Variants in EMCN observed in about 807,000 individuals in gnomAD.
The protein encoded by EMCN is endomucin.
EMCN carries 37 observed loss-of-function variants against 38.4 expected under a neutral mutation model. The observed-to-expected ratio is 0.96, with a 90% confidence interval of 0.74 to 1.27. The LOEUF (loss-of-function observed/expected upper bound fraction) is 1.27, where lower values mean the gene tolerates loss of function less well. Ranked by LOEUF, EMCN falls within the 50% of genes most tolerant of loss-of-function variation. EMCN has a pLI of 0.00. For missense variants in EMCN, 318 were observed against 302.8 expected, an observed-to-expected ratio of 1.05 and a Z score of -0.37; for synonymous variants, 95 against 100.8, an observed-to-expected ratio of 0.94 and a Z score of 0.35.
intron 11 of EMCN, among the ~76,000 whole-genome samples, chr4:100,405,104 G>C (rs900262462): frequency 6.6e-6 from 1 of 152,006 alleles, no homozygotes; most frequent in Non-Finnish European, 1.5e-5. Context: ...TCAGAGCTAG[G>C]AGCCTTTGGG....
intron 4 of EMCN, among the ~76,000 whole-genome samples, chr4:100,447,942 G>A (rs558350091): frequency 2.6e-5 from 4 of 152,010 alleles, no homozygotes; most frequent in East Asian, 1.9e-4. Flanking sequence ...AATTTTGCCC[G>A]TGGGCCATAG....
In EMCN at chr4:100,395,586, T is replaced by A. The variant is rs1726100218; in HGVS notation, c.*2827A>T. On this transcript the variant is annotated 3_prime_UTR_variant, in exon 12 of 12. Transcript: ENST00000296420. ...CAATTTTTAAAGGTCATATTCACTT[T>A]TCCTTTCAACATCATAAAATCTTGA... The A allele has an allele frequency of 6.6e-6, 1 of 152,166 alleles. No individual in the cohort carries two copies. The highest frequency in any genetic ancestry group is 1.5e-5 in the Non-Finnish European group (1 of 68,018). The allele number at this position is 152,166 out of a possible 1,614,324, so 9.4% of individuals were successfully genotyped here.
At chr4:100,413,907 C>T (rs1209730829) in intron 10 of EMCN, among the ~76,000 whole-genome samples, 2 of 152,188 alleles carry the variant, frequency 1.3e-5, no homozygotes, top group African/African-American at 4.8e-5. Context: ...AACTAGTCTG[C>T]CATCGTCTAT....
chr4:100,502,638 G>A (rs1205236673), intron 1 of EMCN, among the ~76,000 whole-genome samples: 5 of 152,120 alleles, frequency 3.3e-5, no homozygotes, highest in Admixed American at 3.3e-4. Context: ...TATAAAAGTA[G>A]AATTGTTGGG....
At chr4:100,456,782 C>A (rs1024219516) in intron 4 of EMCN, among the ~76,000 whole-genome samples, 1 of 152,098 alleles carries the variant, frequency 6.6e-6, no homozygotes, top group Non-Finnish European at 1.5e-5. Flanking sequence ...AGTTCACTTT[C>A]TGTAGTTGAG....
chr4:100,401,386 A>G (rs949329913), intron 11 of EMCN, among the ~76,000 whole-genome samples: 4 of 152,176 alleles, frequency 2.6e-5, no homozygotes, highest in Admixed American at 2.0e-4. Flanking sequence ...AGTTTAAAGT[A>G]CTACATGAGA....
chr4:100,470,891 T>C (rs2110269795), intron 3 of EMCN, among the ~76,000 whole-genome samples: 1 of 151,904 alleles, frequency 6.6e-6, no homozygotes, highest in East Asian at 1.9e-4. Context: ...TATTAGAAAA[T>C]ACTTTGCAGT....
intron 5 of EMCN, among the ~76,000 whole-genome samples, chr4:100,439,436 T>G (rs1727448160): frequency 6.6e-6 from 1 of 151,818 alleles, no homozygotes; most frequent in South Asian, 2.1e-4. Context: ...TGGCATATAT[T>G]TTTTCGTAGT....
chr4:100,441,618 T>C (rs1010246995), intron 5 of EMCN, among the ~76,000 whole-genome samples: 1 of 152,242 alleles, frequency 6.6e-6, no homozygotes, highest in Non-Finnish European at 1.5e-5. Flanking sequence ...GGTAATTTTC[T>C]GTAGTGTTAA....
chr4:100,481,924 T>C (rs1193135541), intron 1 of EMCN, among the ~76,000 whole-genome samples: 1 of 151,666 alleles, frequency 6.6e-6, no homozygotes, highest in African/African-American at 2.4e-5. Flanking sequence ...TTCTTTCTCT[T>C]CCTTCCTCCT....
In EMCN at chr4:100,396,856, T is replaced by A. The variant is rs1395343445; in HGVS notation, c.*1557A>T. 6.6e-6 allele frequency: 1 copy of A among 152,004 alleles called. No homozygotes were observed. The highest frequency in any genetic ancestry group is 1.5e-5 in the Non-Finnish European group (1 of 67,986). 9.4% of individuals were successfully genotyped at this position (152,004 alleles called of 1,614,324 possible). On this transcript the variant is annotated 3_prime_UTR_variant, in exon 12 of 12. Transcript: ENST00000296420. ...CATTTAAAGACTTCTAGATTAAAAT[T>A]AAGCATGGGCTCAACAGTTCTAAAG... is the stretch of plus-strand genomic sequence containing the variant.
chr4:100,439,039 T>C (rs1297741848), intron 5 of EMCN, among the ~76,000 whole-genome samples: 2 of 152,096 alleles, frequency 1.3e-5, no homozygotes, highest in East Asian at 1.9e-4. Context: ...TTTTTGCATC[T>C]GCATTCGTCA....
intron 1 of EMCN, among the ~76,000 whole-genome samples, chr4:100,504,381 G>A (rs1012364548): frequency 3.9e-5 from 6 of 152,128 alleles, no homozygotes; most frequent in African/African-American, 1.4e-4. Flanking sequence ...CAGGCGCTGA[G>A]GCAAGAGACC....
intron 1 of EMCN, among the ~76,000 whole-genome samples, chr4:100,506,923 T>G (rs1295724560): frequency 6.6e-6 from 1 of 152,218 alleles, no homozygotes; most frequent in Non-Finnish European, 1.5e-5. Flanking sequence ...GCTTCTGCAT[T>G]TTTTTCATGC....
At chr4:100,436,541 A>G (rs1727357727) in intron 5 of EMCN, among the ~76,000 whole-genome samples, 1 of 152,156 alleles carries the variant, frequency 6.6e-6, no homozygotes, top group South Asian at 2.1e-4. Context: ...AAACCATCCT[A>G]TCATAAAGTT....
At chr4:100,472,978 A>AAT (rs1303214937) in intron 3 of EMCN, among the ~76,000 whole-genome samples, 2 of 147,432 alleles carry the variant, frequency 1.4e-5, no homozygotes, top group African/African-American at 2.5e-5. Context: ...ATATTCTAGA[A>AAT]ATATATATAT....
intron 3 of EMCN, among the ~76,000 whole-genome samples, chr4:100,467,912 G>A (rs1180062012): frequency 6.6e-6 from 1 of 152,060 alleles, no homozygotes; most frequent in Non-Finnish European, 1.5e-5. Flanking sequence ...CTACAGTTAT[G>A]AATTGCACTA....
At chr4:100,468,055 G>C (rs1728372211) in intron 3 of EMCN, among the ~76,000 whole-genome samples, 1 of 152,182 alleles carries the variant, frequency 6.6e-6, no homozygotes, top group African/African-American at 2.4e-5. Flanking sequence ...ATTCATGTAT[G>C]TTTAAATCGT....
intron 4 of EMCN, among the ~76,000 whole-genome samples, chr4:100,450,297 G>A (rs1225609498): frequency 6.6e-6 from 1 of 151,896 alleles, no homozygotes; most frequent in Non-Finnish European, 1.5e-5. Context: ...TGAAATTGAA[G>A]TCTTATGAAA....
Sources: gnomAD v4.1 joint callset for allele counts (sites outside exome capture counted in the v4.1 genomes callset) on GRCh38, gnomAD v4.1.1 for gene constraint, MANE v1.5 for transcripts, NCBI Gene and HGNC (gene_info 2026-07-23, HGNC 2026-07-21) for gene names.